DERA: variants seen among roughly 807,000 people sequenced by gnomAD.
DERA encodes 2-deoxy-D-ribose 5-phosphate aldolase.
Under a neutral mutation model 41.1 loss-of-function variants are expected in DERA, and 15 were observed. That is an observed-to-expected ratio of 0.37 (90% CI 0.24 to 0.56). DERA has a LOEUF of 0.56. Among genes scored for constraint, DERA ranks in the 20% least tolerant of loss-of-function variants. The pLI, the probability that DERA is intolerant of heterozygous loss-of-function variation, is 0.81. For missense variants in DERA, 396 were observed against 403.4 expected, an observed-to-expected ratio of 0.98 and a Z score of 0.16; for synonymous variants, 139 against 137.4, an observed-to-expected ratio of 1.01 and a Z score of -0.08.
At position 15,998,780 on chromosome 12, in the gene DERA, T is replaced by G. The variant is rs118159349; in HGVS notation, c.637+16344T>G. On this transcript the variant is annotated intron_variant, in intron 6 of 8. Transcript: ENST00000428559. The surrounding 1 kb of genome is among the most constrained non-coding windows in gnomAD (Gnocchi z 4.8). ...ATGTGCTTATTTGGACCGCTGAACTTACATCCCCAAAGAAACAAGATTGTA... is the reference window on the plus strand; with the variant it reads ...ATGTGCTTATTTGGACCGCTGAACTGACATCCCCAAAGAAACAAGATTGTA... Among the ~76,000 whole-genome samples the G allele has an allele frequency of 0.014, 2,101 of 152,286 alleles. 19 individuals are homozygous for G. The highest frequency in any genetic ancestry group is 0.021 in the Non-Finnish European group (1,434 of 68,018).
rs1948944571 is a variant in DERA, at chr12:16,011,236, T to G, written c.638-21306T>G. Among the ~76,000 whole-genome samples, 1 of 152,250 alleles carries G rather than the reference T, an allele frequency of 6.6e-6. No homozygotes were observed. The highest frequency in any genetic ancestry group is 6.5e-5 in the Admixed American group (1 of 15,282). ...TGTTTAAAGCATATCTGGCTTATTT[T>G]GTTAAAATGTTTCTTCATTTTACTC... On this transcript the variant is annotated intron_variant, in intron 6 of 8. Transcript: ENST00000428559. This position sits in a 1 kb window ranked among gnomAD's most constrained non-coding sequence, Gnocchi z 4.7.
chr12:16,032,074 C>T (rs946162096), intron 6 of DERA, among the ~76,000 whole-genome samples: 2 of 152,134 alleles, frequency 1.3e-5, no homozygotes, highest in Non-Finnish European at 2.9e-5. Context: ...ATGAACAATG[C>T]AATAGAAATC....
In DERA at chr12:16,036,822, T is replaced by G; in HGVS notation, c.*76T>G. On this transcript the variant is annotated 3_prime_UTR_variant, in exon 9 of 9. Coordinates refer to ENST00000428559, the MANE Select transcript of DERA (RefSeq NM_015954.4). This position sits in a 1 kb window ranked among gnomAD's most constrained non-coding sequence, Gnocchi z 4.9. ...TTTTCTACGTAATTGCTAAAATTAT[T>G]TAATTAAAAAATTGGGCAGTAGGTA... 1 of 1,170,162 alleles carries G rather than the reference T, an allele frequency of 8.5e-7. No homozygotes were observed. 72.5% of individuals were successfully genotyped at this position (1,170,162 alleles called of 1,614,324 possible). A position where few individuals can be genotyped will look rare whatever the true frequency, so the allele number is the denominator to read the frequency against.
At position 15,983,495 on chromosome 12, in the gene DERA, C is replaced by T. The variant is rs1948745676; in HGVS notation, c.637+1059C>T. ...ACATCTTGGGGTTCAGCACAGGTAC[C>T]ACCTTTTTCAGGAATTATTTCCCCT... On this transcript the variant is annotated intron_variant, in intron 6 of 8. Coordinates refer to ENST00000428559, the MANE Select transcript of DERA (RefSeq NM_015954.4). The surrounding 1 kb of genome is among the most constrained non-coding windows in gnomAD (Gnocchi z 6.2). Among the ~76,000 whole-genome samples the T allele has an allele frequency of 6.6e-6, 1 of 152,174 alleles. No individual in the cohort carries two copies. The highest frequency in any genetic ancestry group is 6.5e-5 in the Admixed American group (1 of 15,280).
rs1455493078 is a variant in DERA at position 15,966,693 on chromosome 12, T to G, written c.508+3746T>G. On this transcript the variant is annotated intron_variant, in intron 5 of 8. Transcript: ENST00000428559. The surrounding 1 kb of genome is among the most constrained non-coding windows in gnomAD (Gnocchi z 5.1). ...TTCCTGAGGTCTTCCTTTCTGTTTC[T>G]GATTACCCCTGCGTCTCATTTGCAA... is the stretch of plus-strand genomic sequence containing the variant. Among the ~76,000 whole-genome samples, 2 of 152,102 alleles carry G rather than the reference T, an allele frequency of 1.3e-5. No homozygotes were observed. The highest frequency in any genetic ancestry group is 2.9e-5 in the Non-Finnish European group (2 of 68,008).
In DERA at chr12:15,981,009, T is replaced by G. The variant is rs1948729110; in HGVS notation, c.509-1299T>G. 6.6e-6 allele frequency among the ~76,000 whole-genome samples: 1 copy of G among 152,164 alleles called. No homozygotes were observed. The highest frequency in any genetic ancestry group is 2.4e-5 in the African/African-American group (1 of 41,444). On this transcript the variant is annotated intron_variant, in intron 5 of 8. Transcript: ENST00000428559. The surrounding 1 kb of genome is among the most constrained non-coding windows in gnomAD (Gnocchi z 6.1). ...AAGAAATGCTTACCCCAACCCTTATTATGAATGTTTCCCTCCTGCTTGGTT... is the reference window on the plus strand; with the variant it reads ...AAGAAATGCTTACCCCAACCCTTATGATGAATGTTTCCCTCCTGCTTGGTT...
intron 1 of DERA, among the ~76,000 whole-genome samples, chr12:15,932,106 A>C (rs991486854): frequency 6.6e-6 from 1 of 152,238 alleles, no homozygotes; most frequent in Admixed American, 6.5e-5. Context: ...GACTAAGAGC[A>C]TATAATAATG....
chr12:15,933,796 T>A (rs2047326682), intron 1 of DERA, among the ~76,000 whole-genome samples: 1 of 152,180 alleles, frequency 6.6e-6, no homozygotes. Context: ...TCTGTCGGCT[T>A]GTTGAAACCT....
chr12:16,007,631 C>T (rs1289582558), intron 6 of DERA, among the ~76,000 whole-genome samples: 1 of 152,144 alleles, frequency 6.6e-6, no homozygotes, highest in Non-Finnish European at 1.5e-5. Context: ...GTTAGTGAGG[C>T]AGGCATGGCT....
intron 1 of DERA, among the ~76,000 whole-genome samples, chr12:15,945,379 A>C (rs1456305826): frequency 6.6e-6 from 1 of 152,150 alleles, no homozygotes; most frequent in African/African-American, 2.4e-5. Flanking sequence ...ATGTTCTTCC[A>C]TTTGTTTGTG....
intron 3 of DERA, 123 bp downstream of exon 3, chr12:15,958,458 GC>G: frequency 3.2e-6 from 2 of 634,756 alleles, no homozygotes; most frequent in Non-Finnish European, 4.8e-6. Flanking sequence ...AGAAACTCTT[GC>G]TGTGTATACA....
chr12:15,917,537 T>C (rs945788910), intron 1 of DERA, among the ~76,000 whole-genome samples: 8 of 152,244 alleles, frequency 5.3e-5, no homozygotes, highest in Non-Finnish European at 1.0e-4. Context: ...CTAGGCATTA[T>C]CATTCTCATT....
At position 15,999,355 on chromosome 12, in the gene DERA, C is replaced by T. The variant is rs532972360; in HGVS notation, c.637+16919C>T. On this transcript the variant is annotated intron_variant, in intron 6 of 8. Coordinates refer to ENST00000428559, the MANE Select transcript of DERA (RefSeq NM_015954.4). This position sits in a 1 kb window ranked among gnomAD's most constrained non-coding sequence, Gnocchi z 5.3. Reference sequence around the variant, plus strand: ...TGGCCTTAAAAAAGTGACATTATCTCTTAGTGTGGTGAAGAAGTGAAAAAT... The same window carrying T: ...TGGCCTTAAAAAAGTGACATTATCTTTTAGTGTGGTGAAGAAGTGAAAAAT... 6.6e-5 allele frequency among the ~76,000 whole-genome samples: 10 copies of T among 152,306 alleles called. No individual in the cohort carries two copies. The highest frequency in any genetic ancestry group is 2.4e-4 in the African/African-American group (10 of 41,570).
At position 15,976,596 on chromosome 12, in the gene DERA, A is replaced by G. The variant is rs1441744718; in HGVS notation, c.509-5712A>G. 6.6e-6 allele frequency among the ~76,000 whole-genome samples: 1 copy of G among 152,226 alleles called. No homozygotes were observed. Among genetic ancestry groups the G allele is most frequent in the Non-Finnish European group, 1.5e-5 (1 of 68,044 alleles). ...AGTTCAGAATCATCTTTCTAAATCA[A>G]CAAGAGGCTCTTTCATCTTAATTAT... On this transcript the variant is annotated intron_variant, in intron 5 of 8. Coordinates refer to ENST00000428559, the MANE Select transcript of DERA (RefSeq NM_015954.4). The surrounding 1 kb of genome is among the most constrained non-coding windows in gnomAD (Gnocchi z 4.1).
At chr12:16,027,277 TG>T (rs1294544576) in intron 6 of DERA, among the ~76,000 whole-genome samples, 1 of 152,226 alleles carries the variant, frequency 6.6e-6, no homozygotes, top group Non-Finnish European at 1.5e-5. Context: ...AACATTGTAC[TG>T]GAAGTCCTAG....
intron 3 of DERA, among the ~76,000 whole-genome samples, chr12:15,958,637 A>G (rs1332059164): frequency 6.6e-6 from 1 of 151,942 alleles, no homozygotes; most frequent in East Asian, 1.9e-4. Context: ...TGACACTGAA[A>G]TACTCTTTCT....
chr12:15,942,905 C>G (rs1948418882), intron 1 of DERA, among the ~76,000 whole-genome samples: 1 of 152,208 alleles, frequency 6.6e-6, no homozygotes, highest in Admixed American at 6.5e-5. Flanking sequence ...ACAGAGGGGA[C>G]AGGAGGCATA....
intron 5 of DERA, among the ~76,000 whole-genome samples, chr12:15,973,459 A>G (rs1261376573): frequency 2.0e-5 from 1 of 50,140 alleles, no homozygotes; most frequent in Non-Finnish European, 4.3e-5. Context: ...TTTTTTTATA[A>G]TAGAGAATTT....
Position 15,923,204 on chromosome 12 carries a change from A to G in DERA, c.31+11790A>G, listed in dbSNP as rs538899218. On this transcript the variant is annotated intron_variant, in intron 1 of 8. Transcript: ENST00000428559. ...CGCCCGGCTAATTTTTTGTATTTTT[A>G]GTAGAGACGGGGTTTCACCGTTTTA... Among the ~76,000 whole-genome samples, 9 of 150,578 alleles carry G rather than the reference A, an allele frequency of 6.0e-5. No homozygotes were observed. The East Asian group carries it at 1.4e-3, about 23-fold the overall frequency.
Sources: allele counts gnomAD v4.1 joint callset (sites outside exome capture counted in the v4.1 genomes callset), GRCh38; gene constraint gnomAD v4.1.1; non-coding constraint Gnocchi (gnomAD v3.1); transcripts MANE v1.5; gene names NCBI Gene and HGNC (gene_info 2026-07-23, HGNC 2026-07-21).